The following CD276 variants were observed in gnomAD, a reference collection of about 807,000 sequenced individuals.
CD276 encodes the protein CD276 molecule, also known as CD276 antigen.
A neutral mutation model predicts 50.0 loss-of-function variants in CD276; 34 were observed. That is an observed-to-expected ratio of 0.68 (90% confidence interval 0.52 to 0.91). CD276 has a LOEUF of 0.91. CD276 is among the 40% of genes least tolerant of loss of function. The pLI is 0.00. For synonymous variants in CD276, 275 were observed against 313.0 expected (o/e 0.88, Z 1.28); for missense variants, 634 against 717.5 (o/e 0.88, Z 1.33).
chr15:73,714,079 G>A lies in CD276; in HGVS notation c.*1123G>A, dbSNP rs781590578. 6 of 289,040 alleles carry A rather than the reference G, an allele frequency of 2.1e-5. No homozygotes were observed. The highest frequency in any genetic ancestry group is 3.3e-5 in the Non-Finnish European group (5 of 153,296). 17.9% of individuals were successfully genotyped at this position (289,040 alleles called of 1,614,324 possible). On this transcript the variant is annotated 3_prime_UTR_variant, in exon 10 of 10. Transcript: ENST00000318443. ...ATCCCACCCATAATTCTTACCCAGAGCATGGGGTTGGGGCGGAAACCTGGA... is the reference window on the plus strand; with the variant it reads ...ATCCCACCCATAATTCTTACCCAGAACATGGGGTTGGGGCGGAAACCTGGA...
At chr15:73,686,860 G>T (rs1266850927) in intron 1 of CD276, among the ~76,000 whole-genome samples, 2 of 152,196 alleles carry the variant, frequency 1.3e-5, no homozygotes, top group Non-Finnish European at 2.9e-5. Context: ...TTAAGCTGTG[G>T]ATCTGAGTCA....
chr15:73,690,616 T>C (rs1899951099), intron 1 of CD276: 2 of 449,980 alleles, frequency 4.4e-6, no homozygotes, highest in Non-Finnish European at 9.0e-6. Flanking sequence ...CTTACGCTTT[T>C]ATCAGGAGCC....
intron 8 of CD276, among the ~76,000 whole-genome samples, chr15:73,710,877 G>A (rs1198869032): frequency 6.6e-6 from 1 of 152,140 alleles, no homozygotes; most frequent in African/African-American, 2.4e-5. Flanking sequence ...GGAGGTGGAG[G>A]GCTCGAGGGT....
intron 1 of CD276, among the ~76,000 whole-genome samples, chr15:73,695,718 C>T (rs1900149440): frequency 6.6e-6 from 1 of 152,204 alleles, no homozygotes; most frequent in Non-Finnish European, 1.5e-5. Context: ...ATGATTGGCT[C>T]AAATATCTGG....
chr15:73,707,829 C>G (rs1238729229), intron 6 of CD276, among the ~76,000 whole-genome samples: 1 of 152,218 alleles, frequency 6.6e-6, no homozygotes, highest in African/African-American at 2.4e-5. Flanking sequence ...AGGGCTGAAG[C>G]AGTCAAAAGA....
chr15:73,695,036 G>T (rs1596006534), intron 1 of CD276, among the ~76,000 whole-genome samples: 1 of 152,170 alleles, frequency 6.6e-6, no homozygotes, highest in Admixed American at 6.5e-5. Flanking sequence ...GAAAATGGGT[G>T]TAAGTGGACA....
chr15:73,712,154 C>CAAAA (rs386383477), intron 9 of CD276: 6,758 of 95,238 alleles, frequency 0.071, 431 homozygotes, highest in African/African-American at 0.12. Context: ...GATTCCATCT[C>CAAAA]AAAAAAAAAA....
chr15:73,703,205 A>T (rs1192906048), intron 4 of CD276, 119 bp downstream of exon 4: 37 of 1,189,170 alleles, frequency 3.1e-5, no homozygotes, highest in Non-Finnish European at 3.9e-5. Flanking sequence ...CCTCCTAATG[A>T]TAGGGAGAAA....
chr15:73,698,527 T>C (rs941061127), intron 1 of CD276, among the ~76,000 whole-genome samples: 3 of 152,146 alleles, frequency 2.0e-5, no homozygotes, highest in African/African-American at 7.2e-5. Context: ...TCCACCACTA[T>C]ACCTTCCTAC....
At position 73,713,900 on chromosome 15, in the gene CD276, G is replaced by A. The variant is rs937804092; in HGVS notation, c.*944G>A. 2.3e-5 allele frequency: 9 copies of A among 385,930 alleles called. No individual in the cohort carries two copies. The highest frequency in any genetic ancestry group is 7.5e-5 in the South Asian group (4 of 53,442). 23.9% of individuals were successfully genotyped at this position (385,930 alleles called of 1,614,324 possible). A position where few individuals can be genotyped will look rare whatever the true frequency, so the allele number is the denominator to read the frequency against. Reference sequence around the variant, plus strand: ...CTGTGTTAGGTGCTGGGGGCCCTGCGTGGGAAGATAAAGTTCCTCCCTCAA... The same window carrying A: ...CTGTGTTAGGTGCTGGGGGCCCTGCATGGGAAGATAAAGTTCCTCCCTCAA... On this transcript the variant is annotated 3_prime_UTR_variant, in exon 10 of 10. Coordinates refer to ENST00000318443, the MANE Select transcript of CD276 (RefSeq NM_001024736.2).
At chr15:73,695,553 TG>T (rs1254162624) in intron 1 of CD276, among the ~76,000 whole-genome samples, 64 of 152,284 alleles carry the variant, frequency 4.2e-4, no homozygotes, top group African/African-American at 1.5e-3. Flanking sequence ...AGGACAGACG[TG>T]TACCTTAGTT....
chr15:73,706,181 C>T (rs529857104), intron 6 of CD276, among the ~76,000 whole-genome samples: 25 of 152,206 alleles, frequency 1.6e-4, no homozygotes, highest in South Asian at 6.2e-4. Context: ...ACCTGGGAGG[C>T]GGAGGTTGCA....
At chr15:73,709,196 G>A (rs1178487594) in intron 7 of CD276, among the ~76,000 whole-genome samples, 2 of 152,094 alleles carry the variant, frequency 1.3e-5, no homozygotes, top group African/African-American at 4.8e-5. Context: ...GCTACTGAGC[G>A]AGCGGATGGG....
intron 1 of CD276, among the ~76,000 whole-genome samples, chr15:73,699,382 A>T (rs1279371619): frequency 6.6e-6 from 1 of 151,920 alleles, no homozygotes; most frequent in Non-Finnish European, 1.5e-5. Context: ...CCCCTACCCC[A>T]TCTTCCCTGT....
At chr15:73,710,001 C>T (rs115160495) in intron 8 of CD276, among the ~76,000 whole-genome samples, 3,548 of 144,206 alleles carry the variant, frequency 0.025, 137 homozygotes, top group African/African-American at 0.09. Context: ...GCAGGGGCTC[C>T]GGAGATAGGG....
At chr15:73,708,250 G>C (rs1900724660) in intron 6 of CD276, 89 bp from the exon 7 acceptor site, 3 of 1,435,330 alleles carry the variant, frequency 2.1e-6, no homozygotes. Context: ...GAGGGTGGGA[G>C]CCCCTGTTCA....
At chr15:73,712,845 C>T in intron 9 of CD276, 89 bp from the exon 10 acceptor site, 9 of 1,361,842 alleles carry the variant, frequency 6.6e-6, no homozygotes, top group Non-Finnish European at 8.3e-6. Flanking sequence ...TGACCAGGTG[C>T]TTGGGCTTCT....
rs965530664 is a variant in CD276, at chr15:73,712,989, A to G, written c.*33A>G. ...GACCAGGGAGCTGCTACCCCTCCCT[A>G]CAGCTCCTACCCTCTGGCTGCAATG... On this transcript the variant is annotated 3_prime_UTR_variant, in exon 10 of 10. Coordinates refer to ENST00000318443, the MANE Select transcript of CD276 (RefSeq NM_001024736.2). 7 of 1,606,160 alleles carry G rather than the reference A, an allele frequency of 4.4e-6. No individual in the cohort carries two copies. The highest frequency in any genetic ancestry group is 1.3e-5 in the African/African-American group (1 of 74,702).
In CD276 at chr15:73,708,378, C is replaced by T; in HGVS notation, c.1409C>T (p.Thr470Ile). 1 of 1,614,186 alleles carries T rather than the reference C, an allele frequency of 6.2e-7. No individual in the cohort carries two copies. The highest frequency in any genetic ancestry group is 8.5e-7 in the Non-Finnish European group (1 of 1,180,034). Reference protein sequence around the residue: ...MTFPPEALWVTVGLSVCLIAL... With the variant: ...MTFPPEALWVIVGLSVCLIAL... Reference sequence around the variant, plus strand: ...TTCCCCCCAGAGGCCCTGTGGGTGACCGTGGGGCTGTCTGTCTGTCTCATT... The same window carrying T: ...TTCCCCCCAGAGGCCCTGTGGGTGATCGTGGGGCTGTCTGTCTGTCTCATT... The change falls in exon 7 of 10, where the codon ACC (threonine) becomes ATC (isoleucine). Residue 470 changes from threonine (T) to isoleucine (I), a missense_variant. Physicochemically the swap from Thr to Ile is moderately conservative, Grantham distance 89. Coordinates refer to ENST00000318443, the MANE Select transcript of CD276 (RefSeq NM_001024736.2).
Sources: gnomAD v4.1 joint callset for allele counts (sites outside exome capture counted in the v4.1 genomes callset) on GRCh38, gnomAD v4.1.1 for gene constraint, MANE v1.5 for transcripts, NCBI Gene and HGNC (gene_info 2026-07-23, HGNC 2026-07-21) for gene names.